The following HSD11B1 variants were observed in gnomAD, a reference collection of about 807,000 sequenced individuals.
The protein encoded by HSD11B1 is hydroxysteroid 11-beta dehydrogenase 1, also known as 11-beta-hydroxysteroid dehydrogenase 1.
A neutral mutation model predicts 22.1 loss-of-function variants in HSD11B1; 15 were observed. The observed-to-expected ratio is 0.68, with a 90% CI of 0.45 to 1.04. The LOEUF (loss-of-function observed/expected upper bound fraction) is 1.04, where lower values mean the gene tolerates loss of function less well. Among genes scored for constraint, HSD11B1 ranks in the 50% least tolerant of loss-of-function variants. The pLI is 0.00. For missense variants in HSD11B1, 281 were observed against 357.6 expected, an observed-to-expected ratio of 0.79 and a Z score of 1.73; for synonymous variants, 122 against 125.2, an observed-to-expected ratio of 0.97 and a Z score of 0.17.
At chr1:209,690,727 C>A (rs1042643876) in intron 1 of HSD11B1, among the ~76,000 whole-genome samples, 4 of 151,814 alleles carry the variant, frequency 2.6e-5, no homozygotes, top group Admixed American at 6.6e-5. Context: ...TAAAATTAAA[C>A]TTAAGCATTG....
At chr1:209,731,252 G>A (rs1309980843) in intron 4 of HSD11B1, among the ~76,000 whole-genome samples, 2 of 152,080 alleles carry the variant, frequency 1.3e-5, no homozygotes, top group Admixed American at 1.3e-4. Context: ...ATTGAACAGA[G>A]ATTGCAGCTG....
intron 4 of HSD11B1, among the ~76,000 whole-genome samples, chr1:209,715,593 C>T (rs919649310): frequency 6.6e-6 from 1 of 152,110 alleles, no homozygotes; most frequent in Non-Finnish European, 1.5e-5. Context: ...AAAGGGATCC[C>T]ACTAGCCAAA....
chr1:209,729,446 T>C (rs1318191769), intron 4 of HSD11B1, among the ~76,000 whole-genome samples: 1 of 151,886 alleles, frequency 6.6e-6, no homozygotes. Context: ...AGGGCCAGTA[T>C]AGTATGGCAG....
At chr1:209,733,144 T>C (rs954118804) in intron 5 of HSD11B1, among the ~76,000 whole-genome samples, 1 of 152,186 alleles carries the variant, frequency 6.6e-6, no homozygotes, top group South Asian at 2.1e-4. Flanking sequence ...TACGTTTCTA[T>C]ATGAGACTTA....
chr1:209,700,926 ATC>A (rs2076822801), upstream of HSD11B1, among the ~76,000 whole-genome samples: 1 of 152,186 alleles, frequency 6.6e-6, no homozygotes, highest in Middle Eastern at 3.2e-3. Flanking sequence ...CAAGTTCCTC[ATC>A]TCTATCTGAG....
intron 4 of HSD11B1, among the ~76,000 whole-genome samples, chr1:209,708,390 C>T (rs569874491): frequency 6.6e-6 from 1 of 152,328 alleles, no homozygotes. Flanking sequence ...GTAAAGAGTT[C>T]TCCTTTCTGG....
intron 1 of HSD11B1, 61 bp from the exon 2 acceptor site, chr1:209,705,750 G>A: frequency 6.2e-7 from 1 of 1,607,044 alleles, no homozygotes; most frequent in Non-Finnish European, 8.5e-7. Context: ...TATCCAGAGA[G>A]GGAGAAGGAA....
intron 4 of HSD11B1, among the ~76,000 whole-genome samples, chr1:209,723,501 G>A (rs551709428): frequency 6.6e-6 from 1 of 152,158 alleles, no homozygotes; most frequent in Non-Finnish European, 1.5e-5. Flanking sequence ...GCCTGGACAT[G>A]AGCTAGGGCA....
At chr1:209,697,932 A>G (rs2076801849) in intron 1 of HSD11B1, among the ~76,000 whole-genome samples, 2 of 53,650 alleles carry the variant, frequency 3.7e-5, no homozygotes, top group South Asian at 6.5e-4. Context: ...GGGTCTTGCT[A>G]TGTTTCCCAA....
intron 4 of HSD11B1, among the ~76,000 whole-genome samples, chr1:209,724,313 C>T (rs1351647679): frequency 2.0e-5 from 3 of 152,208 alleles, no homozygotes; most frequent in African/African-American, 7.2e-5. Context: ...CAAAGACTGA[C>T]GTGAGGAAAA....
At chr1:209,702,030 G>T (rs1311058587), upstream of HSD11B1, among the ~76,000 whole-genome samples, 1 of 152,168 alleles carries the variant, frequency 6.6e-6, no homozygotes, top group Non-Finnish European at 1.5e-5. Context: ...GAATGGGAAT[G>T]GTCAGTGTAT....
intron 1 of HSD11B1, among the ~76,000 whole-genome samples, chr1:209,691,397 A>T (rs2076758884): frequency 6.6e-6 from 1 of 152,238 alleles, no homozygotes; most frequent in African/African-American, 2.4e-5. Flanking sequence ...TACATGAGGA[A>T]GTAAATCAAG....
chr1:209,724,246 G>A (rs539881488), intron 4 of HSD11B1: 1 of 152,288 alleles, frequency 6.6e-6, no homozygotes, highest in East Asian at 1.9e-4. Context: ...AGTCCTCCTT[G>A]TTGCTCATCA....
intron 4 of HSD11B1, among the ~76,000 whole-genome samples, chr1:209,708,038 G>C (rs1206380343): frequency 6.6e-6 from 1 of 152,198 alleles, no homozygotes; most frequent in Non-Finnish European, 1.5e-5. Context: ...GAGGAAATGT[G>C]TCCAGAGAAA....
intron 4 of HSD11B1, among the ~76,000 whole-genome samples, chr1:209,717,871 CAAAAAAAAAAAA>C (rs1015577238): frequency 2.5e-5 from 1 of 39,636 alleles, no homozygotes; most frequent in African/African-American, 7.7e-5. Flanking sequence ...GACTCCATCT[CAAAAAAAAAAAA>C]AAAAAAAAAA....
intron 4 of HSD11B1, among the ~76,000 whole-genome samples, chr1:209,707,985 A>G (rs923954703): frequency 6.6e-6 from 1 of 152,210 alleles, no homozygotes; most frequent in Non-Finnish European, 1.5e-5. Flanking sequence ...AAATTTGAAC[A>G]TGTTAACATG....
chr1:209,692,536 C>T (rs2076765992), intron 1 of HSD11B1, among the ~76,000 whole-genome samples: 1 of 141,076 alleles, frequency 7.1e-6, no homozygotes, highest in South Asian at 2.2e-4. Context: ...CCAGGGTGGT[C>T]AGGCACCCCC....
rs138812798 is a variant in HSD11B1 at position 209,729,204 on chromosome 1, C to T, written c.518-3232C>T. On this transcript the variant is annotated intron_variant, in intron 4 of 5. Coordinates refer to ENST00000367027, the MANE Select transcript of HSD11B1 (RefSeq NM_005525.4). The stretch of plus-strand genomic sequence containing the variant: ...TGAAACCCTGTTTCTACTAAAAATA[C>T]AAAAATTAGCCAGGTTTGGTAGCTC... 2.9e-3 allele frequency among the ~76,000 whole-genome samples: 436 copies of T among 152,096 alleles called. 2 individuals carry two copies. Among genetic ancestry groups the T allele is most frequent in the Non-Finnish European group, 5.1e-3 (347 of 67,974 alleles).
chr1:209,733,223 TG>T (rs777670311), intron 5 of HSD11B1, among the ~76,000 whole-genome samples: 1 of 152,202 alleles, frequency 6.6e-6, no homozygotes, highest in Non-Finnish European at 1.5e-5. Flanking sequence ...ATGAACTCTT[TG>T]ATGTGATGTT....
Sources: allele counts gnomAD v4.1 joint callset (sites outside exome capture counted in the v4.1 genomes callset), GRCh38; gene constraint gnomAD v4.1.1; transcripts MANE v1.5; gene names NCBI Gene and HGNC (gene_info 2026-07-23, HGNC 2026-07-21).